Variants in DIXDC1 observed in about 807,000 individuals in gnomAD.
DIXDC1 encodes DIX domain containing 1.
In DIXDC1, 64 loss-of-function variants were observed where a neutral mutation model predicts 103.1. The observed-to-expected ratio is 0.62, with a 90% CI of 0.51 to 0.76. DIXDC1 has a LOEUF of 0.76. Ranked by LOEUF, DIXDC1 falls within the 30% of genes least tolerant of loss-of-function variation. The pLI, the probability that DIXDC1 is intolerant of heterozygous loss-of-function variation, is 0.00. For synonymous variants in DIXDC1, 266 were observed against 298.5 expected, an observed-to-expected ratio of 0.89 and a Z score of 1.12; for missense variants, 759 against 834.2, an observed-to-expected ratio of 0.91 and a Z score of 1.11.
At chr11:111,964,704 T>G (rs782293317) in intron 2 of DIXDC1, 26 bp downstream of exon 2, 1 of 1,561,804 alleles carries the variant, frequency 6.4e-7, no homozygotes, top group African/African-American at 1.4e-5. Flanking sequence ...ACTCTGATAC[T>G]AGAGTACATA....
chr11:111,950,704 C>T (rs1295836512), intron 1 of DIXDC1, among the ~76,000 whole-genome samples: 1 of 151,894 alleles, frequency 6.6e-6, no homozygotes, highest in African/African-American at 2.4e-5. Flanking sequence ...TATCCACCTG[C>T]CTCAGCCTCC....
chr11:112,019,387 T>C lies in DIXDC1; in HGVS notation c.*351T>C, dbSNP rs1398737592. The C allele has an allele frequency of 5.9e-6, 1 of 168,106 alleles. No individual in the cohort carries two copies. Among genetic ancestry groups the C allele is most frequent in the Non-Finnish European group, 1.3e-5 (1 of 77,412 alleles). The allele number at this position is 168,106 out of a possible 1,614,324, so 10.4% of individuals were successfully genotyped here. On this transcript the variant is annotated 3_prime_UTR_variant, in exon 20 of 20. Transcript: ENST00000440460. ...TATTATCTGGAAATTAGGAATTGGA[T>C]GCATCATTCCTGTGTGTTACAGTAT...
upstream of DIXDC1, among the ~76,000 whole-genome samples, chr11:111,936,654 T>C (rs1283939689): frequency 6.6e-6 from 1 of 152,186 alleles, no homozygotes; most frequent in Non-Finnish European, 1.5e-5. Context: ...TATCCTCTTT[T>C]CCCCCTTTCT....
At chr11:111,997,781 CA>C (rs1334897957) in intron 17 of DIXDC1, among the ~76,000 whole-genome samples, 1 of 152,116 alleles carries the variant, frequency 6.6e-6, no homozygotes, top group Non-Finnish European at 1.5e-5. Context: ...TAAAGTACTA[CA>C]AATAAATCTA....
rs781903706 is a variant in DIXDC1 at position 111,995,437 on chromosome 11, G to A, written c.1562G>A (p.Arg521His). The A allele has an allele frequency of 8.7e-6, 14 of 1,613,242 alleles. No homozygotes were observed. In the Admixed American group the frequency reaches 1.2e-4, roughly 13 times the overall value. Residue 521 changes from arginine to histidine, a missense_variant, in exon 16 of 20, where the codon CGC (arginine) becomes CAC (histidine). Physicochemically the swap from Arg to His is conservative, Grantham distance 29. Around this residue, in one of 3 missense-constraint regions of DIXDC1, gnomAD observed 657 missense variants for 727.5 expected, o/e 0.90. Coordinates refer to ENST00000440460, the MANE Select transcript of DIXDC1 (RefSeq NM_001037954.4). ...CTGCAGCTTGTTCGAGATGCTCTCCGCAGCCTGCGCAACAGCTTCAGTGGC... is the reference window on the plus strand; with the variant it reads ...CTGCAGCTTGTTCGAGATGCTCTCCACAGCCTGCGCAACAGCTTCAGTGGC... ...SDLQLVRDALRSLRNSFSGHD... is the reference protein window; with the variant it reads ...SDLQLVRDALHSLRNSFSGHD...
intron 16 of DIXDC1, among the ~76,000 whole-genome samples, 181 bp downstream of exon 16, chr11:111,995,745 GAGA>G (rs1566552891): frequency 1.3e-5 from 2 of 152,084 alleles, no homozygotes; most frequent in Non-Finnish European, 2.9e-5. Context: ...TGACAATCCA[GAGA>G]AGAAGTTCAT....
chr11:111,997,915 TACTG>T (rs1860953562), intron 17 of DIXDC1, among the ~76,000 whole-genome samples: 1 of 152,248 alleles, frequency 6.6e-6, no homozygotes, highest in Non-Finnish European at 1.5e-5. Flanking sequence ...GCTCTCTAGC[TACTG>T]ACTTATTTCT....
upstream of DIXDC1, chr11:111,937,128 G>GGGGT (rs1385828400): frequency 2.9e-6 from 2 of 684,136 alleles, no homozygotes; most frequent in African/African-American, 3.1e-5. Context: ...GCTGCGGCCC[G>GGGGT]GGCGGGGGGG....
intron 17 of DIXDC1, among the ~76,000 whole-genome samples, chr11:111,997,416 AC>A (rs1321893185): frequency 6.6e-6 from 1 of 151,922 alleles, no homozygotes; most frequent in Non-Finnish European, 1.5e-5. Context: ...GTTCACTGCA[AC>A]CTCTGTCTCC....
At chr11:111,974,744 G>A (rs1419025975) in intron 4 of DIXDC1, 132 bp from the exon 5 acceptor site, 2 of 1,461,702 alleles carry the variant, frequency 1.4e-6, no homozygotes, top group South Asian at 1.4e-5. Flanking sequence ...GGTACCAAGT[G>A]TCTTTGAGGC....
intron 17 of DIXDC1, among the ~76,000 whole-genome samples, chr11:111,997,548 A>T (rs1372593098): frequency 6.6e-6 from 1 of 152,126 alleles, no homozygotes; most frequent in Non-Finnish European, 1.5e-5. Context: ...GTTGGCAATG[A>T]ATTATTTTAT....
intron 1 of DIXDC1, among the ~76,000 whole-genome samples, chr11:111,960,934 C>G (rs2137499933): frequency 6.6e-6 from 1 of 152,264 alleles, no homozygotes; most frequent in East Asian, 1.9e-4. Flanking sequence ...GAGTTCCTAC[C>G]CTCTGGAGAC....
intron 15 of DIXDC1, 66 bp downstream of exon 15, chr11:111,995,174 A>G: frequency 6.5e-7 from 1 of 1,534,918 alleles, no homozygotes; most frequent in South Asian, 1.1e-5. Flanking sequence ...TGCCAAAGCC[A>G]TGGCCAGTGG....
intron 2 of DIXDC1, among the ~76,000 whole-genome samples, chr11:111,931,153 C>T (rs371900181): frequency 3.4e-4 from 52 of 151,950 alleles, no homozygotes; most frequent in African/African-American, 1.1e-3. Flanking sequence ...CGTGACTGGC[C>T]GAGACCCCCC....
intron 1 of DIXDC1, among the ~76,000 whole-genome samples, chr11:111,959,254 A>C (rs1408196270): frequency 1.3e-5 from 2 of 152,190 alleles, no homozygotes; most frequent in Non-Finnish European, 2.9e-5. Flanking sequence ...CAGAGAGAAG[A>C]GCTCCCTTTG....
intron 15 of DIXDC1, 146 bp downstream of exon 15, chr11:111,995,254 C>A: frequency 7.6e-7 from 1 of 1,322,968 alleles, no homozygotes; most frequent in Non-Finnish European, 1.0e-6. Context: ...GAGGCACTTG[C>A]TATCCAAAAT....
chr11:111,931,535 C>T (rs1312448761), intron 2 of DIXDC1, among the ~76,000 whole-genome samples: 15 of 151,602 alleles, frequency 9.9e-5, no homozygotes, highest in African/African-American at 2.7e-4. Context: ...CCCAGCTGCT[C>T]GAGAGGCTGA....
chr11:111,933,243 C>T (rs1326708762), upstream of DIXDC1, among the ~76,000 whole-genome samples: 1 of 152,102 alleles, frequency 6.6e-6, no homozygotes, highest in Non-Finnish European at 1.5e-5. Flanking sequence ...ATTCTTCTGC[C>T]TCAGCCTCCA....
chr11:111,930,001 C>A, intron 2 of DIXDC1: 1 of 1,198,706 alleles, frequency 8.3e-7, no homozygotes, highest in South Asian at 1.4e-5. Flanking sequence ...CATCAGGACT[C>A]AGATCCTGGA....
Sources: gnomAD v4.1 joint callset for allele counts (sites outside exome capture counted in the v4.1 genomes callset) on GRCh38, gnomAD v4.1.1 for gene constraint, gnomAD v4.1.1 regional missense constraint, MANE v1.5 for transcripts, NCBI Gene and HGNC (gene_info 2026-07-23, HGNC 2026-07-21) for gene names.